EVL: variants seen among roughly 807,000 people sequenced by gnomAD.
The protein encoded by EVL is Enah/Vasp-like, also known as ena/VASP-like protein.
In EVL, 21 loss-of-function variants were observed where a neutral mutation model predicts 59.6. That is an observed-to-expected ratio of 0.35 (90% CI 0.25 to 0.51). The LOEUF is 0.51. Ranked by LOEUF, EVL falls within the 20% of genes least tolerant of loss-of-function variation. The pLI, the probability that EVL is intolerant of heterozygous loss-of-function variation, is 0.97. For missense variants in EVL, 462 were observed against 546.6 expected (o/e 0.85, Z 1.54); for synonymous variants, 198 against 203.5 (o/e 0.97, Z 0.23).
At chr14:100,105,455 C>T (rs747419901) in intron 3 of EVL, among the ~76,000 whole-genome samples, 1 of 151,910 alleles carries the variant, frequency 6.6e-6, no homozygotes, top group Non-Finnish European at 1.5e-5. Context: ...TTTCGAGCCT[C>T]AGTATCCTCA....
intron 1 of EVL, among the ~76,000 whole-genome samples, chr14:100,016,076 CT>C (rs1177621517): frequency 3.2e-5 from 4 of 125,284 alleles, no homozygotes; most frequent in East Asian, 2.3e-4. Context: ...AAGACTCTGT[CT>C]CAAAAAAAAA....
At chr14:100,136,012 C>G (rs1346101694) in intron 9 of EVL, 44 bp downstream of exon 9, 1 of 1,605,538 alleles carries the variant, frequency 6.2e-7, no homozygotes, top group African/African-American at 1.3e-5. Flanking sequence ...CATGAGGTCT[C>G]AGAGTGGGAG....
chr14:99,997,465 G>A (rs933945883), intron 1 of EVL, among the ~76,000 whole-genome samples: 3 of 152,234 alleles, frequency 2.0e-5, no homozygotes, highest in Non-Finnish European at 4.4e-5. Context: ...TGGGCATGCA[G>A]TATATGCTTA....
At chr14:99,993,319 A>G (rs2060888052) in intron 1 of EVL, among the ~76,000 whole-genome samples, 1 of 152,060 alleles carries the variant, frequency 6.6e-6, no homozygotes, top group African/African-American at 2.4e-5. Context: ...TGGCCTCCCA[A>G]AGTGCTAGGA....
chr14:99,981,829 A>G (rs999233645), intron 1 of EVL, among the ~76,000 whole-genome samples: 1 of 152,256 alleles, frequency 6.6e-6, no homozygotes, highest in African/African-American at 2.4e-5. Flanking sequence ...TGCTCAGGGC[A>G]GTTGCTACAA....
At chr14:100,065,901 T>G (rs557043076) in intron 1 of EVL, among the ~76,000 whole-genome samples, 1 of 152,306 alleles carries the variant, frequency 6.6e-6, no homozygotes, top group African/African-American at 2.4e-5. Flanking sequence ...CGAGACTGGT[T>G]GTTTTTTCTA....
At chr14:100,117,535 C>G (rs1887429518) in intron 3 of EVL, among the ~76,000 whole-genome samples, 1 of 152,206 alleles carries the variant, frequency 6.6e-6, no homozygotes, top group Admixed American at 6.5e-5. Flanking sequence ...GGGTTGAAGC[C>G]TGGCTTAACT....
intron 4 of EVL, among the ~76,000 whole-genome samples, chr14:100,125,578 T>C (rs1248505212): frequency 6.6e-6 from 1 of 151,498 alleles, no homozygotes; most frequent in Non-Finnish European, 1.5e-5. Context: ...TTTTTTGAGA[T>C]GGAGTCTTGC....
intron 1 of EVL, among the ~76,000 whole-genome samples, chr14:99,975,630 A>G (rs1161652036): frequency 2.0e-5 from 3 of 152,284 alleles, no homozygotes; most frequent in East Asian, 1.9e-4. Context: ...GGAGTGCACA[A>G]TCTGGATCCC....
chr14:100,042,295 G>T (rs1364446859), intron 1 of EVL, among the ~76,000 whole-genome samples: 2 of 152,128 alleles, frequency 1.3e-5, no homozygotes, highest in African/African-American at 4.8e-5. Flanking sequence ...GATGTCTAGA[G>T]CCCTGATGAA....
At chr14:100,103,774 T>C (rs1238410796) in intron 3 of EVL, among the ~76,000 whole-genome samples, 1 of 152,182 alleles carries the variant, frequency 6.6e-6, no homozygotes, top group East Asian at 1.9e-4. Context: ...GGATCCCCAT[T>C]GGATCCCAGC....
chr14:100,059,496 G>A (rs564911615), intron 1 of EVL, among the ~76,000 whole-genome samples: 1 of 152,344 alleles, frequency 6.6e-6, no homozygotes, highest in Admixed American at 6.5e-5. Context: ...TGGATTGTTG[G>A]CTGAGGGCTG....
At chr14:100,021,765 T>G (rs1277223690) in intron 1 of EVL, among the ~76,000 whole-genome samples, 3 of 152,072 alleles carry the variant, frequency 2.0e-5, no homozygotes, top group Non-Finnish European at 4.4e-5. Flanking sequence ...AACCATTGGC[T>G]TAGGAAAAGC....
intron 3 of EVL, among the ~76,000 whole-genome samples, chr14:100,111,487 A>G (rs558455343): frequency 9.9e-5 from 15 of 152,190 alleles, no homozygotes; most frequent in Non-Finnish European, 1.9e-4. Context: ...GGGTGTGACA[A>G]CCACCTCACA....
intron 3 of EVL, chr14:100,102,188 G>A: frequency 2.2e-6 from 1 of 452,002 alleles, no homozygotes; most frequent in Non-Finnish European, 4.5e-6. Context: ...TACATTAGTA[G>A]GCAATTTCAT....
intron 1 of EVL, among the ~76,000 whole-genome samples, chr14:100,006,020 C>A (rs796709181): frequency 4.0e-5 from 6 of 151,206 alleles, no homozygotes; most frequent in Middle Eastern, 3.4e-3. Context: ...CCCCCCCCCC[C>A]CCCACACCGA....
intron 1 of EVL, 73 bp from the exon 2 acceptor site, chr14:100,084,614 A>C: frequency 2.6e-6 from 4 of 1,529,762 alleles, no homozygotes; most frequent in Non-Finnish European, 2.7e-6. Flanking sequence ...ATTGGCCTCT[A>C]TTTCAGAAAA....
In EVL at chr14:100,132,736, A is replaced by G. The variant is rs1435165437; in HGVS notation, c.857A>G (p.Gln286Arg). 6.2e-7 allele frequency: 1 copy of G among 1,614,204 alleles called. No individual in the cohort carries two copies. The highest frequency in any genetic ancestry group is 8.5e-7 in the Non-Finnish European group (1 of 1,180,032). The change falls in exon 8 of 14, where the codon CAG (glutamine) becomes CGG (arginine). Residue 286 changes from glutamine to arginine, a missense_variant. By Grantham distance (43) the Gln-to-Arg change is conservative. Coordinates refer to ENST00000392920, the MANE Select transcript of EVL (RefSeq NM_016337.3). ...LLAKRRKAAS[Q>R]SDKPAEKKED... ...GTGCCTAGGAGAAAAGCAGCCTCCC[A>G]GTCAGACAAGCCAGCCGAGAAGAAG...
upstream of EVL, among the ~76,000 whole-genome samples, chr14:100,064,499 T>G (rs563774605): frequency 7.2e-5 from 11 of 152,240 alleles, no homozygotes; most frequent in Non-Finnish European, 1.2e-4. Context: ...AAAGCCAAGT[T>G]TCCAGTATTC....
Sources: gnomAD v4.1 joint callset for allele counts (sites outside exome capture counted in the v4.1 genomes callset) on GRCh38, gnomAD v4.1.1 for gene constraint, MANE v1.5 for transcripts, NCBI Gene and HGNC (gene_info 2026-07-23, HGNC 2026-07-21) for gene names.